PLIN3: variants seen among roughly 807,000 people sequenced by gnomAD.
PLIN3 encodes perilipin 3.
In PLIN3, 30 loss-of-function variants were observed where a neutral mutation model predicts 35.9. That is an observed-to-expected ratio of 0.84 (90% confidence interval 0.62 to 1.13). PLIN3 has a LOEUF of 1.13. Among genes scored for constraint, PLIN3 ranks in the 50% most tolerant of loss-of-function variants. The pLI is 0.00. For synonymous variants in PLIN3, 261 were observed against 262.5 expected, an observed-to-expected ratio of 0.99 and a Z score of 0.06; for missense variants, 603 against 596.9, an observed-to-expected ratio of 1.01 and a Z score of -0.11.
chr19:4,852,028 C>T lies in PLIN3; in HGVS notation c.622G>A (p.Asp208Asn). ...EWADNHLPLT[D>N]AELARIATSL... Reference sequence around the variant, plus strand: ...TGGCCACACTTACCCAGTTCGGCATCCGTAAGGGGCAGGTGGTTGTCCGCC... The same window carrying T: ...TGGCCACACTTACCCAGTTCGGCATTCGTAAGGGGCAGGTGGTTGTCCGCC... Residue 208 changes from aspartate to asparagine, a missense_variant, in exon 5 of 8, where the codon GAT becomes AAT. Asp to Asn is a conservative substitution (Grantham distance 23). Transcript: ENST00000221957. 1.2e-6 allele frequency: 2 copies of T among 1,613,504 alleles called. No individual in the cohort carries two copies. Among genetic ancestry groups the T allele is most frequent in the Non-Finnish European group, 1.7e-6 (2 of 1,179,720 alleles).
intron 7 of PLIN3, among the ~76,000 whole-genome samples, chr19:4,841,666 C>T (rs1210909973): frequency 6.6e-6 from 1 of 150,522 alleles, no homozygotes; most frequent in Non-Finnish European, 1.5e-5. Flanking sequence ...CTTTGGGAGG[C>T]CGAGGAGGGT....
In PLIN3 at chr19:4,838,852, A is replaced by C; in HGVS notation, c.*340T>G. The C allele has an allele frequency of 6.0e-6, 1 of 166,768 alleles. No homozygotes were observed. Among genetic ancestry groups the C allele is most frequent in the Non-Finnish European group, 1.3e-5 (1 of 77,592 alleles). 10.3% of individuals were successfully genotyped at this position (166,768 alleles called of 1,614,324 possible). ...CGCCTCAGCCTCCCAAAGTGCTGGGATTACAGGTGTGAGCCACCGCACCCG... is the reference window on the plus strand; with the variant it reads ...CGCCTCAGCCTCCCAAAGTGCTGGGCTTACAGGTGTGAGCCACCGCACCCG... On this transcript the variant is annotated 3_prime_UTR_variant, in exon 8 of 8. Transcript: ENST00000221957.
intron 6 of PLIN3, among the ~76,000 whole-genome samples, chr19:4,846,292 G>T (rs922771887): frequency 2.0e-5 from 3 of 150,542 alleles, no homozygotes; most frequent in African/African-American, 7.3e-5. Flanking sequence ...CTCCAGCCTG[G>T]GCAACAGAGT....
intron 1 of PLIN3, among the ~76,000 whole-genome samples, chr19:4,865,339 A>AT (rs1310367218): frequency 6.7e-6 from 1 of 150,048 alleles, no homozygotes; most frequent in Non-Finnish European, 1.5e-5. Context: ...AAATACAAAA[A>AT]TTAGCCGTGT....
intron 1 of PLIN3, among the ~76,000 whole-genome samples, chr19:4,864,213 C>G (rs1416689475): frequency 1.3e-5 from 2 of 148,296 alleles, no homozygotes; most frequent in Admixed American, 6.9e-5. Context: ...GGTGCAGTGG[C>G]GTGATTTCGG....
At chr19:4,849,376 T>G (rs564926828) in intron 5 of PLIN3, among the ~76,000 whole-genome samples, 5 of 151,086 alleles carry the variant, frequency 3.3e-5, no homozygotes, top group Non-Finnish European at 7.4e-5. Context: ...GGTGCAATCA[T>G]AGCTCACTGT....
chr19:4,866,712 AG>A (rs1458571018), intron 1 of PLIN3: 1 of 152,296 alleles, frequency 6.6e-6, no homozygotes, highest in Non-Finnish European at 1.5e-5. Context: ...GGGGCCAGGT[AG>A]GCAGGCATCA....
rs111932271 is a variant in PLIN3 at position 4,841,904 on chromosome 19, C to CA, written c.961-2369dup. The stretch of plus-strand genomic sequence containing the variant: ...TGGGCGACAGAGCGAGACTCCATCT[C>CA]AAAAAAAAAAAAAAAAAAAAAAGAA... On this transcript the variant is annotated intron_variant, in intron 7 of 7. Coordinates refer to ENST00000221957, the MANE Select transcript of PLIN3 (RefSeq NM_005817.5). Among the ~76,000 whole-genome samples the CA allele has an allele frequency of 4.0e-3, 153 of 38,456 alleles. 1 individual carries two copies. Among genetic ancestry groups the CA allele is most frequent in the East Asian group, 9.2e-3 (11 of 1,194 alleles). 25.2% of individuals were successfully genotyped at this position (38,456 alleles called of 152,430 possible). A position where few individuals can be genotyped will look rare whatever the true frequency, so the allele number is the denominator to read the frequency against.
Position 4,839,326 on chromosome 19 carries a change from G to T in PLIN3, c.1171C>A (p.Arg391Ser). 1.2e-6 allele frequency: 2 copies of T among 1,613,952 alleles called. No homozygotes were observed. Among genetic ancestry groups the T allele is most frequent in the Non-Finnish European group, 1.7e-6 (2 of 1,179,932 alleles). Reference sequence around the variant, plus strand: ...TCGCGGGCGCTGGCGACACGCTCACGGCTCTGGGCCAGAATGCTGCTGGAC... The same window carrying T: ...TCGCGGGCGCTGGCGACACGCTCACTGCTCTGGGCCAGAATGCTGCTGGAC... ...DLSSSILAQS[R>S]ERVASAREAL... The change falls in exon 8 of 8, where the codon CGT (arginine) becomes AGT (serine). Residue 391 changes from arginine (R) to serine (S), a missense_variant. Transcript: ENST00000221957.
At chr19:4,841,592 C>A in intron 7 of PLIN3, among the ~76,000 whole-genome samples, 3 of 137,170 alleles carry the variant, frequency 2.2e-5, no homozygotes, top group East Asian at 2.1e-4. Flanking sequence ...AATGAGATCT[C>A]AATAAAACTG....
chr19:4,859,325 C>T (rs560615857), intron 4 of PLIN3, among the ~76,000 whole-genome samples: 18 of 152,182 alleles, frequency 1.2e-4, no homozygotes, highest in Non-Finnish European at 2.2e-4. Context: ...AGTTCGAGAC[C>T]AGCCCGGCCA....
intron 4 of PLIN3, among the ~76,000 whole-genome samples, chr19:4,854,734 A>C (rs950617951): frequency 5.3e-5 from 8 of 152,006 alleles, no homozygotes; most frequent in Non-Finnish European, 7.4e-5. Flanking sequence ...CGTCCCCCAG[A>C]ACCTGGGGAA....
intron 7 of PLIN3, among the ~76,000 whole-genome samples, chr19:4,841,562 C>A (rs182252145): frequency 2.0e-5 from 3 of 149,360 alleles, no homozygotes; most frequent in Non-Finnish European, 4.4e-5. Context: ...GCTTTAAATG[C>A]GTGACTTGTA....
intron 4 of PLIN3, 31 bp from the exon 5 acceptor site, chr19:4,852,332 C>T (rs1454207292): frequency 1.3e-6 from 2 of 1,588,764 alleles, no homozygotes; most frequent in African/African-American, 1.3e-5. Flanking sequence ...AGCATCTCTG[C>T]CTTCCCTCCA....
intron 4 of PLIN3, 100 bp downstream of exon 4, chr19:4,859,490 G>A: frequency 2.1e-6 from 2 of 969,228 alleles, no homozygotes. Flanking sequence ...AGGCAGCAGG[G>A]AGGATGCCAT....
chr19:4,849,822 T>G (rs2030227532), intron 5 of PLIN3, among the ~76,000 whole-genome samples: 1 of 151,700 alleles, frequency 6.6e-6, no homozygotes, highest in African/African-American at 2.4e-5. Flanking sequence ...TTGGCTAATT[T>G]TTGTATTTTT....
Position 4,861,629 on chromosome 19 carries a change from T to A in PLIN3, c.-17-218A>T, listed in dbSNP as rs1216410275. Among the ~76,000 whole-genome samples the A allele has an allele frequency of 2.0e-5, 3 of 151,710 alleles. No individual in the cohort carries two copies. The East Asian group carries it at 5.8e-4, about 29-fold the overall frequency. On this transcript the variant is annotated intron_variant, in intron 1 of 7. Coordinates refer to ENST00000221957, the MANE Select transcript of PLIN3 (RefSeq NM_005817.5). ...GATGGGGCTCACCTGGCCCCCTATT[T>A]CTTTTTTTTTTTCTTTATTTTCTTT...
rs1352744050 is a variant in PLIN3, at chr19:4,847,817, G to A, written c.708C>T (p.Phe236=). The change falls in exon 6 of 8, where the codon TTC becomes TTT. Residue 236 remains phenylalanine, a synonymous_variant. Coordinates refer to ENST00000221957, the MANE Select transcript of PLIN3 (RefSeq NM_005817.5). The part of the protein sequence containing the change: ...VQQQRQEQSY[F]VRLGSLSERL... ...TCTCCGACAGGGAGCCCAGACGTAC[G>A]AAGTAGCTCTGTTCCTGCCGCTGCT... 1.2e-6 allele frequency: 2 copies of A among 1,613,788 alleles called. No individual in the cohort carries two copies. The highest frequency in any genetic ancestry group is 8.5e-7 in the Non-Finnish European group (1 of 1,179,964).
At chr19:4,861,290 A>ACAGGGT in intron 2 of PLIN3, 39 bp downstream of exon 2, 1 of 1,575,916 alleles carries the variant, frequency 6.3e-7, no homozygotes, top group African/African-American at 1.3e-5. Flanking sequence ...CACGGGAATC[A>ACAGGGT]CAGGGTCGGG....
Sources: allele counts gnomAD v4.1 joint callset (sites outside exome capture counted in the v4.1 genomes callset), GRCh38; gene constraint gnomAD v4.1.1; transcripts MANE v1.5; gene names NCBI Gene and HGNC (gene_info 2026-07-23, HGNC 2026-07-21).